PPM1H: variants seen among roughly 807,000 people sequenced by gnomAD.
The protein encoded by PPM1H is protein phosphatase, Mg2+/Mn2+ dependent 1H, also known as protein phosphatase 1H.
In PPM1H, 27 loss-of-function variants were observed where a neutral mutation model predicts 54.9. The observed-to-expected ratio is 0.49, with a 90% CI of 0.36 to 0.68. The LOEUF is 0.68. Among genes scored for constraint, PPM1H ranks in the 30% least tolerant of loss-of-function variants. The pLI is 0.00. For synonymous variants in PPM1H, 305 were observed against 270.8 expected, an observed-to-expected ratio of 1.13 and a Z score of -1.24; for missense variants, 596 against 667.8, an observed-to-expected ratio of 0.89 and a Z score of 1.19.
chr12:62,892,895 A>C (rs1281255443), intron 1 of PPM1H, among the ~76,000 whole-genome samples: 5 of 152,224 alleles, frequency 3.3e-5, no homozygotes, highest in African/African-American at 1.2e-4. Flanking sequence ...AATTCCTCCC[A>C]TCTCTGTATA....
At chr12:62,695,186 A>G (rs1336404354) in intron 6 of PPM1H, among the ~76,000 whole-genome samples, 1 of 152,196 alleles carries the variant, frequency 6.6e-6, no homozygotes, top group African/African-American at 2.4e-5. Context: ...CCCAAAGTTA[A>G]AGCAGGTCCA....
chr12:62,903,284 G>A (rs971001443), intron 1 of PPM1H, among the ~76,000 whole-genome samples: 2 of 152,134 alleles, frequency 1.3e-5, no homozygotes, highest in African/African-American at 4.8e-5. Flanking sequence ...AAAACAGCTG[G>A]TGAAGGGGTG....
chr12:62,648,625 G>A lies in PPM1H; in HGVS notation c.1409C>T (p.Ala470Val), dbSNP rs776028923. 11 of 1,613,848 alleles carry A rather than the reference G, an allele frequency of 6.8e-6. No homozygotes were observed. The South Asian group carries it at 1.2e-4, about 18-fold the overall frequency. ...DPDDPHRYTL[A>V]AQDLVMRARG... ...GGCACGCATCACCAGGTCCTGAGCT[G>A]CCAGTGTGTACCTACACAGGAGAAC... The change falls in exon 10 of 10, where the codon GCA becomes GTA. Residue 470 changes from alanine (A) to valine (V), a missense_variant. Ala to Val is a moderately conservative substitution (Grantham distance 64). This residue lies in a region of PPM1H where 208 missense variants were observed against 259.5 expected (regional missense o/e 0.80). Transcript: ENST00000228705.
chr12:62,822,037 C>G (rs2120817930), intron 2 of PPM1H, among the ~76,000 whole-genome samples: 1 of 151,986 alleles, frequency 6.6e-6, no homozygotes, highest in East Asian at 1.9e-4. Flanking sequence ...CATACATAGG[C>G]TCAAAATAAA....
At chr12:62,755,415 T>C in intron 4 of PPM1H, 2 of 726,202 alleles carry the variant, frequency 2.8e-6, no homozygotes, top group Admixed American at 1.8e-5. Flanking sequence ...AGGCTGAGAA[T>C]GGGAAGCTTG....
chr12:62,862,567 G>C (rs1041266951), intron 1 of PPM1H, among the ~76,000 whole-genome samples: 1 of 152,110 alleles, frequency 6.6e-6, no homozygotes, highest in Non-Finnish European at 1.5e-5. Context: ...GGCTGAAATT[G>C]AAAAAACTTG....
At chr12:62,765,994 G>A (rs1453523986) in intron 4 of PPM1H, among the ~76,000 whole-genome samples, 2 of 152,230 alleles carry the variant, frequency 1.3e-5, no homozygotes, top group African/African-American at 4.8e-5. Context: ...CAACAAGGAA[G>A]TGGTGTGGCC....
intron 1 of PPM1H, among the ~76,000 whole-genome samples, chr12:62,905,128 G>A (rs866310479): frequency 6.6e-6 from 1 of 152,142 alleles, no homozygotes; most frequent in South Asian, 2.1e-4. Context: ...CCATCTCATA[G>A]GGTTGTTACA....
chr12:62,859,028 C>T (rs138954344), intron 1 of PPM1H, among the ~76,000 whole-genome samples: 2 of 152,170 alleles, frequency 1.3e-5, no homozygotes, highest in Non-Finnish European at 2.9e-5. Flanking sequence ...CTAAAAAATC[C>T]GTAAAGTCAG....
chr12:62,845,318 G>A (rs1002339913), intron 1 of PPM1H, among the ~76,000 whole-genome samples: 6 of 152,208 alleles, frequency 3.9e-5, no homozygotes, highest in African/African-American at 1.4e-4. Flanking sequence ...GAGGATCTCT[G>A]CATGGAATGG....
intron 1 of PPM1H, among the ~76,000 whole-genome samples, chr12:62,930,821 TTAG>T (rs1371292769): frequency 6.6e-6 from 1 of 151,604 alleles, no homozygotes; most frequent in Non-Finnish European, 1.5e-5. Context: ...AGATTTTAGC[TTAG>T]TAGATGTTAT....
In PPM1H at chr12:62,737,595, G is replaced by A. The variant is rs761441292; in HGVS notation, c.870-9C>T. ...TTCTGATGATTATGGCCCTGAAATG[G>A]TGAAAATGCATTGTCAGTAGCCAAT... On this transcript the variant is annotated splice_polypyrimidine_tract_variant and intron_variant, in intron 4 of 9. Transcript: ENST00000228705. 1.7e-5 allele frequency: 26 copies of A among 1,533,002 alleles called. No homozygotes were observed. The South Asian group carries it at 2.9e-4, about 17-fold the overall frequency. The allele number at this position is 1,533,002 out of a possible 1,614,324, so 95.0% of individuals were successfully genotyped here. A position where few individuals can be genotyped will look rare whatever the true frequency, so the allele number is the denominator to read the frequency against.
intron 4 of PPM1H, among the ~76,000 whole-genome samples, chr12:62,756,576 A>G (rs1017672877): frequency 6.6e-6 from 1 of 152,116 alleles, no homozygotes; most frequent in African/African-American, 2.4e-5. Flanking sequence ...GAGGGAGGAG[A>G]GTCATCATCT....
intron 1 of PPM1H, among the ~76,000 whole-genome samples, chr12:62,891,211 A>G (rs548134617): frequency 1.3e-5 from 2 of 152,254 alleles, no homozygotes; most frequent in South Asian, 4.1e-4. Context: ...CTCTCTGGGA[A>G]AATGCATTCC....
At chr12:62,719,735 T>C (rs2076253703) in intron 6 of PPM1H, among the ~76,000 whole-genome samples, 1 of 152,140 alleles carries the variant, frequency 6.6e-6, no homozygotes, top group Non-Finnish European at 1.5e-5. Context: ...CATGGAAAAA[T>C]GGGCTCTAGA....
chr12:62,711,869 A>G (rs1213453216), intron 6 of PPM1H, among the ~76,000 whole-genome samples: 1 of 152,006 alleles, frequency 6.6e-6, no homozygotes, highest in African/African-American at 2.4e-5. Flanking sequence ...TGGTCTGACA[A>G]AGCCTGTCTG....
At chr12:62,732,150 C>T (rs974306546) in intron 5 of PPM1H, among the ~76,000 whole-genome samples, 5 of 152,116 alleles carry the variant, frequency 3.3e-5, no homozygotes, top group East Asian at 1.9e-4. Flanking sequence ...CAGGAGTGCC[C>T]GTCCCTTGAA....
intron 4 of PPM1H, among the ~76,000 whole-genome samples, chr12:62,772,879 G>A (rs902453605): frequency 2.0e-5 from 3 of 152,196 alleles, no homozygotes; most frequent in African/African-American, 4.8e-5. Context: ...GCTGGGTGTG[G>A]TGGCTCATGC....
intron 4 of PPM1H, among the ~76,000 whole-genome samples, chr12:62,768,262 C>T (rs2076556059): frequency 6.6e-6 from 1 of 152,102 alleles, no homozygotes; most frequent in Non-Finnish European, 1.5e-5. Context: ...CTCCACCATA[C>T]CACAGGGCAG....
Sources: allele counts gnomAD v4.1 joint callset (sites outside exome capture counted in the v4.1 genomes callset), GRCh38; gene constraint gnomAD v4.1.1; regional missense constraint gnomAD v4.1.1; transcripts MANE v1.5; gene names NCBI Gene and HGNC (gene_info 2026-07-23, HGNC 2026-07-21).